The following PCDHGA3 variants were observed in gnomAD, a reference collection of about 807,000 sequenced individuals.
The protein encoded by PCDHGA3 is protocadherin gamma-A3.
In PCDHGA3, 40 loss-of-function variants were observed where a neutral mutation model predicts 58.5. The observed-to-expected ratio is 0.68, with a 90% confidence interval of 0.53 to 0.89. The LOEUF is 0.89. PCDHGA3 is among the 40% of genes least tolerant of loss of function. PCDHGA3 has a pLI of 0.00. For synonymous variants in PCDHGA3, 530 were observed against 525.7 expected, an observed-to-expected ratio of 1.01 and a Z score of -0.11; for missense variants, 1,223 against 1,195.9, an observed-to-expected ratio of 1.02 and a Z score of -0.33.
chr5:141,387,422 TA>T (rs1406219674), intron 1 of PCDHGA3, among the ~76,000 whole-genome samples: 1 of 152,248 alleles, frequency 6.6e-6, no homozygotes, highest in Non-Finnish European at 1.5e-5. Context: ...CTTATGTCAA[TA>T]AATGTTTATG....
At chr5:141,369,130 A>G (rs1214670751) in intron 1 of PCDHGA3, among the ~76,000 whole-genome samples, 1 of 152,246 alleles carries the variant, frequency 6.6e-6, no homozygotes, top group Non-Finnish European at 1.5e-5. Context: ...CCTGTCAGAA[A>G]CATGGAAAAT....
chr5:141,394,189 C>G lies in PCDHGA3; in HGVS notation c.2424+47732C>G, dbSNP rs543330174. The stretch of plus-strand genomic sequence containing the variant: ...ACTTTCCCTCATGCCTCCTACTCAG[C>G]GTATATCCTAGAGAACAACCTGAGA... On this transcript the variant is annotated intron_variant, in intron 1 of 3. Coordinates refer to ENST00000253812, the MANE Select transcript of PCDHGA3 (RefSeq NM_018916.4). 4 of 1,613,892 alleles carry G rather than the reference C, an allele frequency of 2.5e-6. No homozygotes were observed. The East Asian group carries it at 6.7e-5, about 27-fold the overall frequency.
At chr5:141,455,282 A>C (rs1307886349) in intron 1 of PCDHGA3, among the ~76,000 whole-genome samples, 1 of 152,056 alleles carries the variant, frequency 6.6e-6, no homozygotes, top group Non-Finnish European at 1.5e-5. Flanking sequence ...TATTAACATC[A>C]CTTTACATAG....
intron 1 of PCDHGA3, chr5:141,360,901 C>A (rs375994239): frequency 1.9e-6 from 3 of 1,614,024 alleles, no homozygotes; most frequent in Non-Finnish European, 2.5e-6. Context: ...GGAGGACGTG[C>A]CGCCGGGCTT....
At chr5:141,367,962 C>T (rs766516338) in intron 1 of PCDHGA3, among the ~76,000 whole-genome samples, 3 of 152,076 alleles carry the variant, frequency 2.0e-5, no homozygotes, top group Admixed American at 1.3e-4. Context: ...TCATATCTAA[C>T]GTATGTGCTC....
chr5:141,365,394 C>T (rs1245270195), intron 1 of PCDHGA3: 22 of 1,613,942 alleles, frequency 1.4e-5, no homozygotes, highest in Non-Finnish European at 1.9e-5. Flanking sequence ...CTGACCAGTT[C>T]GATCTCTGAA....
intron 1 of PCDHGA3, among the ~76,000 whole-genome samples, chr5:141,456,073 A>G (rs1490650582): frequency 2.6e-5 from 4 of 151,252 alleles, no homozygotes; most frequent in Non-Finnish European, 5.9e-5. Flanking sequence ...AATTTTTTGT[A>G]TTTTCAGTAG....
At chr5:141,464,411 A>G (rs1029342220) in intron 1 of PCDHGA3, among the ~76,000 whole-genome samples, 3 of 151,624 alleles carry the variant, frequency 2.0e-5, no homozygotes, top group Admixed American at 6.6e-5. Flanking sequence ...AGATATATAT[A>G]TATCTATATA....
intron 1 of PCDHGA3, among the ~76,000 whole-genome samples, chr5:141,469,538 G>A (rs2099204234): frequency 6.6e-6 from 1 of 152,168 alleles, no homozygotes; most frequent in Non-Finnish European, 1.5e-5. Flanking sequence ...TTGTGCCACT[G>A]CACTCCAGCC....
At position 141,486,218 on chromosome 5, in the gene PCDHGA3, T is replaced by A. The variant is rs1467104398; in HGVS notation, c.2425-8589T>A. The A allele has an allele frequency of 2.5e-6, 4 of 1,614,004 alleles. No homozygotes were observed. The African/African-American group carries it at 5.3e-5, about 22-fold the overall frequency. On this transcript the variant is annotated intron_variant, in intron 1 of 3. Transcript: ENST00000253812. The surrounding 1 kb of genome is among the most constrained non-coding windows in gnomAD (Gnocchi z 5.0). ...GCTGGACGTAAATGACAATGCCCCT[T>A]ACATCACAGTGACCTCAGAGCTTGG...
rs779735897 is a variant in PCDHGA3 at position 141,422,336 on chromosome 5, TA to T, written c.2425-72468del. 34 of 1,550,032 alleles carry T rather than the reference TA, an allele frequency of 2.2e-5. No individual in the cohort carries two copies. The East Asian group carries it at 7.2e-4, about 33-fold the overall frequency. On this transcript the variant is annotated intron_variant, in intron 1 of 3. Coordinates refer to ENST00000253812, the MANE Select transcript of PCDHGA3 (RefSeq NM_018916.4). ...CCTCCAGGTACAGTGATTGCTCTTC[TA>T]AATGTGCAAGATCAAGATTCTGGAG... is the stretch of plus-strand genomic sequence containing the variant.
At chr5:141,352,363 C>T in intron 1 of PCDHGA3, 2 of 1,614,078 alleles carry the variant, frequency 1.2e-6, no homozygotes, top group South Asian at 2.2e-5. Context: ...TCTTTCTCCT[C>T]GCGGTGATTC....
chr5:141,366,386 G>C, intron 1 of PCDHGA3: 1 of 1,614,164 alleles, frequency 6.2e-7, no homozygotes, highest in South Asian at 1.1e-5. Flanking sequence ...TGACCCTGAG[G>C]ATCTGGACCT....
chr5:141,436,735 T>G (rs2097843412), intron 1 of PCDHGA3, among the ~76,000 whole-genome samples: 1 of 152,220 alleles, frequency 6.6e-6, no homozygotes, highest in Non-Finnish European at 1.5e-5. Context: ...AATAATGATT[T>G]TTGTGTGCTT....
rs1297213443 is a variant in PCDHGA3 at position 141,384,466 on chromosome 5, G to A, written c.2424+38009G>A. Reference sequence around the variant, plus strand: ...GTACGCGCTGCAATCCTTTGATTATGAGCAGTTGAGAGAACTACAACTAAG... The same window carrying A: ...GTACGCGCTGCAATCCTTTGATTATAAGCAGTTGAGAGAACTACAACTAAG... On this transcript the variant is annotated intron_variant, in intron 1 of 3. Coordinates refer to ENST00000253812, the MANE Select transcript of PCDHGA3 (RefSeq NM_018916.4). 3 of 1,613,996 alleles carry A rather than the reference G, an allele frequency of 1.9e-6. No individual in the cohort carries two copies. The African/African-American group carries it at 4.0e-5, about 22-fold the overall frequency.
At chr5:141,408,723 C>G (rs1365936782) in intron 1 of PCDHGA3, 3 of 1,611,058 alleles carry the variant, frequency 1.9e-6, no homozygotes, top group Non-Finnish European at 2.5e-6. Flanking sequence ...AAGATAAACT[C>G]TAATCCTTAT....
rs770401080 is a variant in PCDHGA3, at chr5:141,350,683, G to A, written c.2424+4226G>A. On this transcript the variant is annotated intron_variant, in intron 1 of 3. Transcript: ENST00000253812. The stretch of plus-strand genomic sequence containing the variant: ...AAGGCATTGACTTAGAAATTTGTGA[G>A]TCAGCCTTACCCGGGGTAAAATTCT... The A allele has an allele frequency of 1.0e-4, 166 of 1,613,996 alleles. 3 individuals carry two copies. The South Asian group carries it at 1.8e-3, about 17-fold the overall frequency.
intron 1 of PCDHGA3, chr5:141,430,941 A>G: frequency 6.2e-7 from 1 of 1,608,258 alleles, no homozygotes; most frequent in Non-Finnish European, 8.5e-7. Context: ...GAGCTCGCGG[A>G]GCGCGGAGTC....
intron 1 of PCDHGA3, chr5:141,478,331 G>C: frequency 6.2e-7 from 1 of 1,613,956 alleles, no homozygotes; most frequent in Non-Finnish European, 8.5e-7. Context: ...CCGAACACCA[G>C]GGCCCTCCTT....
Sources: gnomAD v4.1 joint callset for allele counts (sites outside exome capture counted in the v4.1 genomes callset) on GRCh38, gnomAD v4.1.1 for gene constraint, Gnocchi (gnomAD v3.1) non-coding constraint, MANE v1.5 for transcripts, NCBI Gene and HGNC (gene_info 2026-07-23, HGNC 2026-07-21) for gene names.